The following FAM135A variants were observed in gnomAD, a reference collection of about 807,000 sequenced individuals.
FAM135A encodes the protein protein FAM135A.
FAM135A carries 79 observed loss-of-function variants against 146.8 expected under a neutral mutation model. That is an observed-to-expected ratio of 0.54 (90% CI 0.45 to 0.65). FAM135A has a LOEUF of 0.65. Ranked by LOEUF, FAM135A falls within the 30% of genes least tolerant of loss-of-function variation. The pLI, the probability that FAM135A is intolerant of heterozygous loss-of-function variation, is 0.00. For synonymous variants in FAM135A, 562 were observed against 603.6 expected (o/e 0.93, Z 1.01); for missense variants, 1,623 against 1,758.2 (o/e 0.92, Z 1.38).
intron 1 of FAM135A, 31 bp downstream of exon 1, chr6:70,413,733 C>G: frequency 1.1e-6 from 1 of 903,662 alleles, no homozygotes; most frequent in Non-Finnish European, 1.3e-6. Flanking sequence ...TCTGGCTCCC[C>G]CGGCTCCCGA....
intron 4 of FAM135A, among the ~76,000 whole-genome samples, chr6:70,444,822 TAG>T: frequency 6.6e-6 from 1 of 152,342 alleles, no homozygotes; most frequent in Non-Finnish European, 1.5e-5. Context: ...GACATTCTAG[TAG>T]TATACATTAA....
In FAM135A at chr6:70,516,520, ATTTTC is replaced by A. The variant is rs1792252840; in HGVS notation, c.1030-5983_1030-5979del. ...TGAGATTTTAATATCATAAAATAGT[ATTTTC>A]TTTTCTTTTTTTTTTTTTTTTTTTT... On this transcript the variant is annotated intron_variant, in intron 12 of 21. Transcript: ENST00000418814. 1.3e-3 allele frequency among the ~76,000 whole-genome samples: 161 copies of A among 122,036 alleles called. 1 individual carries two copies. The highest frequency in any genetic ancestry group is 4.7e-3 in the African/African-American group (156 of 33,330). 80.1% of individuals were successfully genotyped at this position (122,036 alleles called of 152,430 possible). A position where few individuals can be genotyped will look rare whatever the true frequency, so the allele number is the denominator to read the frequency against.
intron 12 of FAM135A, chr6:70,503,871 C>T (rs1561929322): frequency 6.6e-6 from 1 of 152,122 alleles, no homozygotes; most frequent in Non-Finnish European, 1.5e-5. Context: ...TGAATATACC[C>T]ACATTTATTT....
intron 5 of FAM135A, among the ~76,000 whole-genome samples, chr6:70,460,779 T>G (rs1212926961): frequency 6.7e-6 from 1 of 148,388 alleles, no homozygotes; most frequent in Non-Finnish European, 1.5e-5. Flanking sequence ...GATAGAAGAT[T>G]TATCTATCGA....
intron 2 of FAM135A, among the ~76,000 whole-genome samples, chr6:70,420,921 C>T (rs529687980): frequency 2.6e-5 from 4 of 151,116 alleles, no homozygotes; most frequent in African/African-American, 4.9e-5. Flanking sequence ...CTTACTGTGT[C>T]GCCCAGGCTG....
intron 20 of FAM135A, among the ~76,000 whole-genome samples, chr6:70,556,359 T>C (rs1800827427): frequency 6.6e-6 from 1 of 152,220 alleles, no homozygotes; most frequent in African/African-American, 2.4e-5. Context: ...GGTGTTTTGT[T>C]TGTTTTAATG....
chr6:70,551,348 G>T (rs920489510), intron 20 of FAM135A, among the ~76,000 whole-genome samples: 2 of 152,120 alleles, frequency 1.3e-5, no homozygotes, highest in Non-Finnish European at 2.9e-5. Flanking sequence ...GGTGGCTCAC[G>T]CCTGTAATTC....
chr6:70,450,290 A>G (rs575725984), intron 4 of FAM135A, among the ~76,000 whole-genome samples: 35 of 151,986 alleles, frequency 2.3e-4, no homozygotes, highest in African/African-American at 8.2e-4. Context: ...TTATTTGTCT[A>G]TGTTTGCTTT....
intron 12 of FAM135A, among the ~76,000 whole-genome samples, chr6:70,516,203 T>G (rs1792171312): frequency 1.1e-4 from 16 of 152,336 alleles, no homozygotes; most frequent in African/African-American, 3.4e-4. Context: ...TTGAATTTCT[T>G]GGGAACTTAG....
In FAM135A at chr6:70,559,961, A is replaced by C; in HGVS notation, c.*40A>C. ...TAGCGACTGGACAATTACCTCATTC[A>C]ACAATGTTTCAAATAATGTATTATA... is the stretch of plus-strand genomic sequence containing the variant. On this transcript the variant is annotated 3_prime_UTR_variant, in exon 22 of 22. Coordinates refer to ENST00000418814, the MANE Select transcript of FAM135A (RefSeq NM_001162529.3). 2 of 1,465,576 alleles carry C rather than the reference A, an allele frequency of 1.4e-6. No individual in the cohort carries two copies. Among genetic ancestry groups the C allele is most frequent in the Non-Finnish European group, 1.9e-6 (2 of 1,059,436 alleles). 90.8% of individuals were successfully genotyped at this position (1,465,576 alleles called of 1,614,324 possible).
chr6:70,458,611 G>T (rs1219608578), intron 5 of FAM135A, among the ~76,000 whole-genome samples: 1 of 152,028 alleles, frequency 6.6e-6, no homozygotes, highest in Non-Finnish European at 1.5e-5. Flanking sequence ...GGTAAATCTG[G>T]TAAAGTATCA....
rs869128532 is a variant in FAM135A at position 70,531,888 on chromosome 6, CTTTTTT to C, written c.3776-1252_3776-1247del. ...ATAAGGTTTCTTTTTAAACTGATTT[CTTTTTT>C]TTTTTTTTTTTTTTTTTTTGAGACA... On this transcript the variant is annotated intron_variant, in intron 16 of 21. Coordinates refer to ENST00000418814, the MANE Select transcript of FAM135A (RefSeq NM_001162529.3). Among the ~76,000 whole-genome samples the C allele has an allele frequency of 7.4e-3, 637 of 85,708 alleles. 4 individuals carry two copies. Among genetic ancestry groups the C allele is most frequent in the Middle Eastern group, 8.6e-3 (1 of 116 alleles). The allele number at this position is 85,708 out of a possible 152,430, so 56.2% of individuals were successfully genotyped here.
intron 20 of FAM135A, among the ~76,000 whole-genome samples, chr6:70,542,957 T>TA (rs1459294288): frequency 6.6e-6 from 1 of 152,150 alleles, no homozygotes; most frequent in African/African-American, 2.4e-5. Context: ...CCTTTTACCA[T>TA]ACTCATTATA....
At chr6:70,499,028 C>T (rs1787934078) in intron 11 of FAM135A, among the ~76,000 whole-genome samples, 1 of 152,106 alleles carries the variant, frequency 6.6e-6, no homozygotes, top group South Asian at 2.1e-4. Context: ...CCTGAATATC[C>T]TTGTTAATTG....
chr6:70,422,499 G>C (rs1307245223), intron 2 of FAM135A, among the ~76,000 whole-genome samples: 1 of 152,128 alleles, frequency 6.6e-6, no homozygotes, highest in Non-Finnish European at 1.5e-5. Flanking sequence ...ATATGTACAT[G>C]TATGTTTCTA....
chr6:70,457,294 A>G (rs578006771), intron 5 of FAM135A, among the ~76,000 whole-genome samples: 13 of 152,146 alleles, frequency 8.5e-5, no homozygotes, highest in Non-Finnish European at 1.8e-4. Context: ...GTGAGTGTTC[A>G]TTTATTATTA....
chr6:70,538,270 A>G (rs745571560), intron 19 of FAM135A, 21 bp from the exon 20 acceptor site: 20 of 1,324,294 alleles, frequency 1.5e-5, no homozygotes, highest in Non-Finnish European at 2.0e-5. Context: ...TCATACTTCT[A>G]TATCATATAT....
Position 70,477,343 on chromosome 6 carries a change from CT to C in FAM135A, c.542+12del. 1 of 1,610,566 alleles carries C rather than the reference CT, an allele frequency of 6.2e-7. No individual in the cohort carries two copies. Among genetic ancestry groups the C allele is most frequent in the Non-Finnish European group, 8.5e-7 (1 of 1,178,362 alleles). Reference sequence around the variant, plus strand: ...CCAGCCACTAATAAGGTAAATTTGACTAATATTTTTGTATTAAGCCATTCTT... The same window carrying C: ...CCAGCCACTAATAAGGTAAATTTGACAATATTTTTGTATTAAGCCATTCTT... On this transcript the variant is annotated intron_variant, in intron 8 of 21. Transcript: ENST00000418814.
intron 11 of FAM135A, among the ~76,000 whole-genome samples, chr6:70,495,105 T>TG (rs1470018975): frequency 6.6e-6 from 1 of 152,126 alleles, no homozygotes; most frequent in Non-Finnish European, 1.5e-5. Context: ...AACCATCTCT[T>TG]GGGAAAAAAA....
Sources: gnomAD v4.1 joint callset for allele counts (sites outside exome capture counted in the v4.1 genomes callset) on GRCh38, gnomAD v4.1.1 for gene constraint, MANE v1.5 for transcripts, NCBI Gene and HGNC (gene_info 2026-07-23, HGNC 2026-07-21) for gene names.